Variants in RBFOX1 observed in about 807,000 individuals in gnomAD.
The protein encoded by RBFOX1 is RNA binding protein fox-1 homolog 1.
A neutral mutation model predicts 57.7 loss-of-function variants in RBFOX1; 8 were observed. That is an observed-to-expected ratio of 0.14 (90% CI 0.08 to 0.25). The LOEUF is 0.25. RBFOX1 is among the 10% of genes least tolerant of loss of function. RBFOX1 has a pLI of 1.00. For missense variants in RBFOX1, 611 were observed against 548.5 expected (o/e 1.11, Z -1.14); for synonymous variants, 326 against 222.4 (o/e 1.47, Z -4.15).
chr16:6,918,256 T>C (rs1164016754), intron 3 of RBFOX1, among the ~76,000 whole-genome samples: 2 of 147,086 alleles, frequency 1.4e-5, no homozygotes, highest in Admixed American at 1.4e-4. Context: ...CAATCCAGCC[T>C]GGGTGACAGA....
intron 3 of RBFOX1, among the ~76,000 whole-genome samples, chr16:5,691,498 T>G (rs1166739565): frequency 6.6e-6 from 1 of 152,176 alleles, no homozygotes; most frequent in East Asian, 1.9e-4. Flanking sequence ...ATGTATATAT[T>G]TGTGTGTGTG....
At chr16:5,666,007 C>T (rs942177308) in intron 3 of RBFOX1, among the ~76,000 whole-genome samples, 3 of 152,228 alleles carry the variant, frequency 2.0e-5, no homozygotes, top group Admixed American at 1.3e-4. Flanking sequence ...TCAAAACTGC[C>T]ACCCACTCAA....
chr16:6,269,691 T>G (rs971889943), intron 1 of RBFOX1, among the ~76,000 whole-genome samples: 2 of 152,098 alleles, frequency 1.3e-5, no homozygotes, highest in African/African-American at 2.4e-5. Context: ...GAAGAAAAAC[T>G]AAAAGAATTG....
chr16:7,314,740 G>A (rs1323072099), intron 4 of RBFOX1, among the ~76,000 whole-genome samples: 1 of 152,168 alleles, frequency 6.6e-6, no homozygotes, highest in African/African-American at 2.4e-5. Context: ...ACAACAGGCA[G>A]GGGAGAGGGC....
chr16:7,023,162 A>G (rs2039812814), intron 3 of RBFOX1, among the ~76,000 whole-genome samples: 2 of 152,132 alleles, frequency 1.3e-5, no homozygotes, highest in Non-Finnish European at 2.9e-5. Flanking sequence ...AGGCTGCAGA[A>G]GGAGGGAGGT....
intron 4 of RBFOX1, among the ~76,000 whole-genome samples, chr16:7,058,018 A>AAAAG (rs1568581368): frequency 1.3e-5 from 2 of 151,644 alleles, no homozygotes; most frequent in African/African-American, 2.4e-5. Context: ...AAAAAAAAAA[A>AAAAG]AAAACACGAA....
chr16:7,096,030 G>C (rs200999733), intron 4 of RBFOX1, among the ~76,000 whole-genome samples: 1 of 121,378 alleles, frequency 8.2e-6, no homozygotes, highest in African/African-American at 3.6e-5. Context: ...AAAAAAAAAA[G>C]AAAAGAAAAG....
intron 3 of RBFOX1, among the ~76,000 whole-genome samples, chr16:6,938,601 T>C (rs1298185468): frequency 6.6e-6 from 1 of 151,992 alleles, no homozygotes; most frequent in Non-Finnish European, 1.5e-5. Flanking sequence ...TGGCTATGTG[T>C]GGTGGATTTA....
At chr16:5,660,559 TCTC>T (rs1399509255) in intron 3 of RBFOX1, among the ~76,000 whole-genome samples, 2 of 152,212 alleles carry the variant, frequency 1.3e-5, no homozygotes, top group African/African-American at 2.4e-5. Context: ...GATTGGGTGT[TCTC>T]ATCATCTCTT....
At chr16:7,481,033 C>G (rs2063808019) in intron 4 of RBFOX1, among the ~76,000 whole-genome samples, 1 of 152,148 alleles carries the variant, frequency 6.6e-6, no homozygotes, top group African/African-American at 2.4e-5. Flanking sequence ...AACCCTAGCT[C>G]TTGAGACAAA....
At chr16:5,938,927 G>A (rs1481247430) in intron 4 of RBFOX1, among the ~76,000 whole-genome samples, 4 of 152,176 alleles carry the variant, frequency 2.6e-5, no homozygotes, top group African/African-American at 7.2e-5. Context: ...AAAAGGATGA[G>A]TTTATGTCCT....
At chr16:7,081,772 G>T (rs979241686) in intron 4 of RBFOX1, among the ~76,000 whole-genome samples, 17 of 152,122 alleles carry the variant, frequency 1.1e-4, no homozygotes, top group Admixed American at 9.2e-4. Context: ...TGGTAACATG[G>T]ATGATTTGAA....
At chr16:7,567,250 C>G (rs1230498668) in intron 5 of RBFOX1, among the ~76,000 whole-genome samples, 1 of 43,284 alleles carries the variant, frequency 2.3e-5, no homozygotes, top group Non-Finnish European at 4.7e-5. Flanking sequence ...TCCATATATC[C>G]CTATATATAT....
At chr16:7,579,064 C>T (rs1430360448) in intron 5 of RBFOX1, among the ~76,000 whole-genome samples, 1 of 152,184 alleles carries the variant, frequency 6.6e-6, no homozygotes, top group Admixed American at 6.6e-5. Context: ...GAAGCAATAA[C>T]TACATGTGGT....
At chr16:7,664,681 G>C (rs568212887) in intron 12 of RBFOX1, 1 of 571,356 alleles carries the variant, frequency 1.8e-6, no homozygotes, top group East Asian at 3.0e-5. Flanking sequence ...GAGAGAGTGG[G>C]AAGTTTGGGA....
chr16:6,491,054 T>C (rs2095621189), intron 2 of RBFOX1, among the ~76,000 whole-genome samples: 1 of 152,146 alleles, frequency 6.6e-6, no homozygotes, highest in Non-Finnish European at 1.5e-5. Context: ...AGTAAAGTTC[T>C]GTAGATACTA....
At chr16:7,612,753 G>C (rs778076610) in intron 10 of RBFOX1, among the ~76,000 whole-genome samples, 2 of 152,094 alleles carry the variant, frequency 1.3e-5, no homozygotes, top group Non-Finnish European at 2.9e-5. Flanking sequence ...GTTACACAAA[G>C]TTGTCAGCAC....
intron 3 of RBFOX1, among the ~76,000 whole-genome samples, chr16:6,870,310 A>G (rs112671940): frequency 9.9e-5 from 15 of 152,184 alleles, no homozygotes; most frequent in African/African-American, 2.7e-4. Flanking sequence ...TGTCAGCACT[A>G]CTGAAATTCA....
intron 2 of RBFOX1, among the ~76,000 whole-genome samples, chr16:6,393,273 A>G (rs542466522): frequency 2.6e-5 from 4 of 152,090 alleles, no homozygotes; most frequent in Non-Finnish European, 5.9e-5. Context: ...GTTTTAAGAA[A>G]CTCAATCACA....
Sources: gnomAD v4.1 joint callset for allele counts (sites outside exome capture counted in the v4.1 genomes callset) on GRCh38, gnomAD v4.1.1 for gene constraint, MANE v1.5 for transcripts, NCBI Gene and HGNC (gene_info 2026-07-23, HGNC 2026-07-21) for gene names.